Variants in KHDRBS2 observed in about 807,000 individuals in gnomAD.
KHDRBS2 encodes KH domain-containing, RNA-binding, signal transduction-associated protein 2.
In KHDRBS2, 26 loss-of-function variants were observed where a neutral mutation model predicts 44.3. The ratio of observed to expected loss-of-function variants is 0.59; its 90% CI spans 0.43 to 0.81. KHDRBS2 has a LOEUF of 0.81. Ranked by LOEUF, KHDRBS2 falls within the 40% of genes least tolerant of loss-of-function variation. KHDRBS2 has a pLI of 0.00. For synonymous variants in KHDRBS2, 194 were observed against 151.1 expected, an observed-to-expected ratio of 1.28 and a Z score of -2.08; for missense variants, 476 against 433.1, an observed-to-expected ratio of 1.10 and a Z score of -0.88.
intron 2 of KHDRBS2, among the ~76,000 whole-genome samples, chr6:62,175,633 A>G: frequency 6.6e-6 from 1 of 151,752 alleles, no homozygotes; most frequent in East Asian, 1.9e-4. Context: ...AAAAATTATA[A>G]GAGAGACAAT....
chr6:61,631,965 T>C, the KHDRBS2 span, among the ~76,000 whole-genome samples: 1 of 152,132 alleles, frequency 6.6e-6, no homozygotes, highest in Non-Finnish European at 1.5e-5. Flanking sequence ...TCTTTTGTGA[T>C]GTAAATATAG....
intron 4 of KHDRBS2, among the ~76,000 whole-genome samples, chr6:61,940,157 A>G (rs1811851632): frequency 6.6e-6 from 1 of 152,150 alleles, no homozygotes; most frequent in South Asian, 2.1e-4. Flanking sequence ...AATATATTTA[A>G]CGGAACAACA....
intron 6 of KHDRBS2, among the ~76,000 whole-genome samples, chr6:61,757,554 T>A (rs1264535652): frequency 2.0e-5 from 3 of 152,162 alleles, no homozygotes; most frequent in African/African-American, 7.2e-5. Context: ...TTAACTGGAG[T>A]ACTTAAAATC....
chr6:62,085,040 G>C (rs1798140021), intron 2 of KHDRBS2, among the ~76,000 whole-genome samples: 1 of 152,014 alleles, frequency 6.6e-6, no homozygotes, highest in Non-Finnish European at 1.5e-5. Context: ...AAAATTATCT[G>C]CACAATAGTA....
intron 4 of KHDRBS2, among the ~76,000 whole-genome samples, chr6:61,957,601 G>T (rs1767686129): frequency 6.6e-6 from 1 of 152,112 alleles, no homozygotes; most frequent in Non-Finnish European, 1.5e-5. Context: ...GGAAATTCCT[G>T]CCTAATAATT....
chr6:62,238,472 T>C (rs1834057723), intron 1 of KHDRBS2, among the ~76,000 whole-genome samples: 1 of 152,184 alleles, frequency 6.6e-6, no homozygotes, highest in South Asian at 2.1e-4. Context: ...TACCTATTTG[T>C]AAAATAAAAC....
At chr6:61,770,831 G>T (rs1413080592) in intron 6 of KHDRBS2, among the ~76,000 whole-genome samples, 1 of 152,110 alleles carries the variant, frequency 6.6e-6, no homozygotes, top group African/African-American at 2.4e-5. Context: ...AGGAAATACA[G>T]AGAACGCCAC....
At chr6:62,182,728 C>A (rs1328836631) in intron 1 of KHDRBS2, among the ~76,000 whole-genome samples, 2 of 151,762 alleles carry the variant, frequency 1.3e-5, no homozygotes, top group Non-Finnish European at 2.9e-5. Context: ...ATTGCGTGGA[C>A]TGGCAAGTCA....
intron 2 of KHDRBS2, among the ~76,000 whole-genome samples, chr6:62,062,676 G>A (rs1219373452): frequency 1.7e-4 from 25 of 148,038 alleles, no homozygotes; most frequent in Non-Finnish European, 3.5e-4. Context: ...AGAGAAAGCA[G>A]GAAAGATCCA....
intron 2 of KHDRBS2, among the ~76,000 whole-genome samples, chr6:62,139,416 G>T (rs1466795078): frequency 6.6e-6 from 1 of 151,922 alleles, no homozygotes; most frequent in Non-Finnish European, 1.5e-5. Context: ...AGCCGGGCGT[G>T]GTGGCGGGCA....
chr6:62,213,526 G>C lies in KHDRBS2; in HGVS notation c.92-36214C>G, dbSNP rs574290853. 2.4e-4 allele frequency among the ~76,000 whole-genome samples: 36 copies of C among 152,200 alleles called. No homozygotes were observed. In the South Asian group the frequency reaches 6.2e-3, roughly 26 times the overall value. On this transcript the variant is annotated intron_variant, in intron 1 of 8. Transcript: ENST00000281156. ...ATAGAATGTTGGAAGGGCTAACCTT[G>C]ATAGAAAATACTTAGCAGAATCATG...
the KHDRBS2 span, among the ~76,000 whole-genome samples, chr6:61,607,909 A>G: frequency 6.6e-6 from 1 of 152,108 alleles, no homozygotes. Context: ...GCTGGTCTCA[A>G]ACTCCTGACC....
chr6:61,955,148 G>A (rs557628647), intron 4 of KHDRBS2, among the ~76,000 whole-genome samples: 22 of 140,742 alleles, frequency 1.6e-4, no homozygotes, highest in Non-Finnish European at 3.1e-4. Context: ...ATACACATAC[G>A]TGTGTATGTA....
intron 1 of KHDRBS2, among the ~76,000 whole-genome samples, chr6:62,218,150 T>C (rs1398177694): frequency 3.3e-5 from 5 of 151,172 alleles, no homozygotes; most frequent in African/African-American, 4.9e-5. Context: ...GAGTCAAGAG[T>C]AGTCAAATGG....
rs190865553 is a variant in KHDRBS2 at position 61,825,892 on chromosome 6, A to T, written c.810+68743T>A. 5.9e-3 allele frequency among the ~76,000 whole-genome samples: 905 copies of T among 152,270 alleles called. 7 individuals carry two copies. Among genetic ancestry groups the T allele is most frequent in the Non-Finnish European group, 7.0e-3 (476 of 68,018 alleles). On this transcript the variant is annotated intron_variant, in intron 6 of 8. Coordinates refer to ENST00000281156, the MANE Select transcript of KHDRBS2 (RefSeq NM_152688.4). ...AATTAAATAAGTCAATATTTAAAAAATTTTTAGAGCAGTACCTGCCACATA... is the reference window on the plus strand; with the variant it reads ...AATTAAATAAGTCAATATTTAAAAATTTTTTAGAGCAGTACCTGCCACATA...
chr6:62,276,693 TA>T (rs1330606776), intron 1 of KHDRBS2, among the ~76,000 whole-genome samples: 1 of 152,232 alleles, frequency 6.6e-6, no homozygotes, highest in African/African-American at 2.4e-5. Context: ...TGATATCATA[TA>T]ATAATTCATC....
At chr6:61,945,111 A>ATATATAT (rs1242129681) in intron 4 of KHDRBS2, among the ~76,000 whole-genome samples, 3 of 37,774 alleles carry the variant, frequency 7.9e-5, no homozygotes, top group African/African-American at 1.3e-4. Flanking sequence ...AAAAAAAAAA[A>ATATATAT]AGTATATATA....
chr6:61,758,144 G>A (rs1419398699), intron 6 of KHDRBS2, among the ~76,000 whole-genome samples: 2 of 152,026 alleles, frequency 1.3e-5, no homozygotes, highest in African/African-American at 2.4e-5. Context: ...TCCTCACTAT[G>A]TCATAGACTG....
chr6:62,285,955 G>A lies in KHDRBS2; in HGVS notation c.-7C>T, dbSNP rs776104572. 5 of 1,587,518 alleles carry A rather than the reference G, an allele frequency of 3.1e-6. No individual in the cohort carries two copies. The highest frequency in any genetic ancestry group is 1.1e-5 in the South Asian group (1 of 90,226). On this transcript the variant is annotated 5_prime_UTR_variant, in exon 1 of 9. Coordinates refer to ENST00000281156, the MANE Select transcript of KHDRBS2 (RefSeq NM_152688.4). ...AATATTTCTCCTCTTCCATAGCGCG[G>A]ACTTCGGATTGTCCCCGGGCGAAGC...
Sources: gnomAD v4.1 joint callset for allele counts (sites outside exome capture counted in the v4.1 genomes callset) on GRCh38, gnomAD v4.1.1 for gene constraint, MANE v1.5 for transcripts, NCBI Gene and HGNC (gene_info 2026-07-23, HGNC 2026-07-21) for gene names.